RTEL1: variants seen among roughly 807,000 people sequenced by gnomAD.
RTEL1 encodes the protein regulator of telomere length.
RTEL1 carries 86 observed loss-of-function variants against 162.2 expected under a neutral mutation model. That is an observed-to-expected ratio of 0.53 (90% confidence interval 0.45 to 0.63). The LOEUF (loss-of-function observed/expected upper bound fraction) is 0.63. Among genes scored for constraint, RTEL1 ranks in the 30% least tolerant of loss-of-function variants. RTEL1 has a pLI of 0.00. For missense variants in RTEL1, 1,941 were observed against 1,750.2 expected (o/e 1.11, Z -1.95); for synonymous variants, 958 against 717.9 (o/e 1.33, Z -5.35).
intron 16 of RTEL1, 133 bp from the exon 17 acceptor site, chr20:63,687,505 G>C: frequency 9.5e-7 from 1 of 1,055,118 alleles, no homozygotes; most frequent in Non-Finnish European, 1.3e-6. Context: ...TCTGCACAGT[G>C]GGCCTGGGTG....
At chr20:63,692,435 C>T (rs773808463) in intron 28 of RTEL1, 1 of 332,976 alleles carries the variant, frequency 3.0e-6, no homozygotes, top group South Asian at 3.3e-5. Context: ...ATCCGGAAGC[C>T]CCTCCTTGTG....
chr20:63,682,771 C>G, intron 14 of RTEL1: 1 of 862,750 alleles, frequency 1.2e-6, no homozygotes, highest in Non-Finnish European at 1.4e-6. Context: ...GTGGGATGCA[C>G]AGCTCAGCTG....
chr20:63,693,383 G>A (rs2090817542), intron 30 of RTEL1, 100 bp downstream of exon 30: 3 of 1,438,780 alleles, frequency 2.1e-6, no homozygotes, highest in Non-Finnish European at 2.9e-6. Context: ...GGCCCTGCTT[G>A]GCCCCGCCTC....
Position 63,688,031 on chromosome 20 carries a change from A to G in RTEL1, c.1576A>G (p.Ser526Gly). The change falls in exon 18 of 35, where the codon AGC becomes GGC. Residue 526 changes from serine (S) to glycine (G), a missense_variant. By Grantham distance (56) the Ser-to-Gly change is moderately conservative. Transcript: ENST00000360203. ...CAGAGGCCCCGATGGAGCCCAGTTG[A>G]GCTCCGCGTTTGACAGACGGTGAGG... ...VPRGPDGAQL[S>G]SAFDRRFSEE... 1.2e-6 allele frequency: 2 copies of G among 1,612,532 alleles called. No homozygotes were observed. Among genetic ancestry groups the G allele is most frequent in the Non-Finnish European group, 1.7e-6 (2 of 1,179,890 alleles).
intron 10 of RTEL1, among the ~76,000 whole-genome samples, chr20:63,675,325 G>C (rs1414027837): frequency 1.3e-5 from 2 of 152,200 alleles, no homozygotes; most frequent in East Asian, 3.8e-4. Flanking sequence ...AACAGCATCA[G>C]CTTCCCCCAT....
chr20:63,694,733 C>T lies in RTEL1; in HGVS notation c.3110-8C>T. On this transcript the variant is annotated splice_region_variant and splice_polypyrimidine_tract_variant and intron_variant, in intron 31 of 34. Coordinates refer to ENST00000360203, the MANE Select transcript of RTEL1 (RefSeq NM_001283009.2). ...GCGCCACTCTGAGCCATGCTACTCC[C>T]ACACCAGGAGACCCTGGCAGCCAAC... 1 of 1,593,660 alleles carries T rather than the reference C, an allele frequency of 6.3e-7. No individual in the cohort carries two copies. The highest frequency in any genetic ancestry group is 1.1e-5 in the South Asian group (1 of 90,346).
chr20:63,660,592 C>T (rs2089999892), intron 2 of RTEL1: 4 of 152,502 alleles, frequency 2.6e-5, no homozygotes, highest in Non-Finnish European at 5.9e-5. Flanking sequence ...AGCAATTGTT[C>T]AGGGTACAGG....
At chr20:63,693,448 G>GCACCACCTCCACCTTCACCACCAC (rs2090827498) in intron 30 of RTEL1, among the ~76,000 whole-genome samples, 165 bp downstream of exon 30, 2 of 42,358 alleles carry the variant, frequency 4.7e-5, no homozygotes, top group Middle Eastern at 0.017. Flanking sequence ...AGCACCAGCA[G>GCACCACCTCCACCTTCACCACCAC]CACCACCTCC....
intron 30 of RTEL1, among the ~76,000 whole-genome samples, chr20:63,693,687 A>T (rs375806650): frequency 0.021 from 282 of 13,402 alleles, no homozygotes; most frequent in Admixed American, 0.035. Flanking sequence ...CACCACCACC[A>T]CCACCACCAC....
At chr20:63,690,734 G>C (rs536346668) in intron 26 of RTEL1, 71 bp from the exon 27 acceptor site, 397 of 1,496,596 alleles carry the variant, frequency 2.7e-4, no homozygotes, top group Non-Finnish European at 3.3e-4. Context: ...CCCAAGAGGG[G>C]CTTTGCCACA....
chr20:63,659,560 G>A, intron 2 of RTEL1, 56 bp downstream of exon 2: 3 of 1,334,740 alleles, frequency 2.2e-6, no homozygotes, highest in Admixed American at 1.7e-5. Flanking sequence ...CAGCCAGGAC[G>A]GGGTGTGCTT....
At chr20:63,664,146 G>C (rs2090075864) in intron 6 of RTEL1, among the ~76,000 whole-genome samples, 1 of 152,206 alleles carries the variant, frequency 6.6e-6, no homozygotes, top group Admixed American at 6.5e-5. Context: ...GTGCCCCCAG[G>C]TTCCCTGACA....
At position 63,694,459 on chromosome 20, in the gene RTEL1, C is replaced by A; in HGVS notation, c.3080C>A (p.Pro1027His). The change falls in exon 31 of 35, where the codon CCC (proline) becomes CAC (histidine). Residue 1027 changes from proline (P) to histidine (H), a missense_variant. By Grantham distance (77) the Pro-to-His change is moderately conservative. Transcript: ENST00000360203. The part of the protein sequence containing the change: ...DPQEHLNQGR[P>H]HLSPRPPPTG... ...CAAGAGCACCTGAACCAGGGCAGGC[C>A]CCACCTGTCGCCCAGGCCACCCCCA... 1.2e-6 allele frequency: 2 copies of A among 1,605,872 alleles called. No individual in the cohort carries two copies. Among genetic ancestry groups the A allele is most frequent in the Non-Finnish European group, 1.7e-6 (2 of 1,174,350 alleles).
At position 63,689,773 on chromosome 20, in the gene RTEL1, C is replaced by G. The variant is rs745736556; in HGVS notation, c.2049C>G (p.Tyr683Ter). 1 of 1,612,200 alleles carries G rather than the reference C, an allele frequency of 6.2e-7. No homozygotes were observed. The highest frequency in any genetic ancestry group is 8.5e-7 in the Non-Finnish European group (1 of 1,179,732). Residue 683 changes from tyrosine (Y) to a stop codon, truncating the protein, a stop_gained, in exon 24 of 35, where the codon TAC (tyrosine) becomes TAG (stop). Transcript: ENST00000360203. LOFTEE classifies it high-confidence loss of function. ...GGQFLSGQEW[Y>*]RQQASRAVNQ... Reference sequence around the variant, plus strand: ...AGTTCCTCTCTGGGCAGGAGTGGTACCGGCAGCAGGCGTCCAGGGCTGTGA... The same window carrying G: ...AGTTCCTCTCTGGGCAGGAGTGGTAGCGGCAGCAGGCGTCCAGGGCTGTGA...
chr20:63,675,244 C>G (rs1397886581), intron 10 of RTEL1, among the ~76,000 whole-genome samples: 1 of 152,220 alleles, frequency 6.6e-6, no homozygotes, highest in African/African-American at 2.4e-5. Context: ...AAACAGCTGA[C>G]TAGGAGTCTG....
intron 14 of RTEL1, among the ~76,000 whole-genome samples, chr20:63,683,560 C>G (rs531001459): frequency 6.6e-6 from 1 of 152,378 alleles, no homozygotes; most frequent in South Asian, 2.1e-4. Flanking sequence ...TGCCAAGTCT[C>G]TGTGTTCCAG....
In RTEL1 at chr20:63,688,619, C is replaced by T. The variant is rs150377952; in HGVS notation, c.1800+14C>T. The T allele has an allele frequency of 3.6e-3, 5,791 of 1,597,376 alleles. 35 individuals are homozygous for T. Among genetic ancestry groups the T allele is most frequent in the Non-Finnish European group, 3.4e-3 (4,013 of 1,174,132 alleles). On this transcript the variant is annotated intron_variant, in intron 21 of 34. Transcript: ENST00000360203. ...AGCTTCTCCGAGGTCGGCACTTGGC[C>T]GGGGCTCTGGGCCTGCTGCCCCCTC...
intron 6 of RTEL1, among the ~76,000 whole-genome samples, chr20:63,664,424 C>T (rs944797300): frequency 1.1e-4 from 16 of 151,580 alleles, no homozygotes; most frequent in African/African-American, 2.7e-4. Context: ...CTGGTGGGGA[C>T]GCTGGGCCTG....
Position 63,668,874 on chromosome 20 carries a change from T to G in RTEL1, c.699+1321T>G, listed in dbSNP as rs1007449033. On this transcript the variant is annotated intron_variant, in intron 8 of 34. Transcript: ENST00000360203. The surrounding 1 kb of genome is among the most constrained non-coding windows in gnomAD (Gnocchi z 4.3). ...AGAGCTGGAGGACTCACCTCGCTGG[T>G]TTCAAGACTCCTCTAAAGCTGCAGG... 6.6e-6 allele frequency among the ~76,000 whole-genome samples: 1 copy of G among 152,146 alleles called. No homozygotes were observed. Among genetic ancestry groups the G allele is most frequent in the Non-Finnish European group, 1.5e-5 (1 of 68,014 alleles).
Sources: allele counts gnomAD v4.1 joint callset (sites outside exome capture counted in the v4.1 genomes callset), GRCh38; gene constraint gnomAD v4.1.1; non-coding constraint Gnocchi (gnomAD v3.1); transcripts MANE v1.5; gene names NCBI Gene and HGNC (gene_info 2026-07-23, HGNC 2026-07-21).